The following AFF3 variants were observed in gnomAD, a reference collection of about 807,000 sequenced individuals.
AFF3 encodes the protein ALF transcription elongation factor 3.
Under a neutral mutation model 129.7 loss-of-function variants are expected in AFF3, and 32 were observed. That is an observed-to-expected ratio of 0.25 (90% CI 0.19 to 0.33). The LOEUF is 0.33. AFF3 is among the 10% of genes least tolerant of loss of function. The probability of loss-of-function intolerance (pLI) is 1.00; values close to 1 mark genes in which losing one functional copy is unlikely to be tolerated. For synonymous variants in AFF3, 644 were observed against 635.4 expected, an observed-to-expected ratio of 1.01 and a Z score of -0.20; for missense variants, 1,373 against 1,592.0, an observed-to-expected ratio of 0.86 and a Z score of 2.34.
intron 12 of AFF3, among the ~76,000 whole-genome samples, chr2:99,671,207 T>C (rs1687115503): frequency 1.3e-5 from 2 of 152,226 alleles, no homozygotes; most frequent in South Asian, 4.1e-4. Context: ...CACAAAGAGT[T>C]GAAATCATTT....
At chr2:99,754,811 C>T (rs571230305) in intron 8 of AFF3, among the ~76,000 whole-genome samples, 19 of 152,292 alleles carry the variant, frequency 1.2e-4, no homozygotes, top group African/African-American at 3.6e-4. Context: ...CATCCCTGAG[C>T]ACCCACTCAT....
chr2:99,946,188 T>C (rs1675541489), intron 7 of AFF3, among the ~76,000 whole-genome samples: 1 of 151,918 alleles, frequency 6.6e-6, no homozygotes, highest in African/African-American at 2.4e-5. Context: ...AAGATGGGGA[T>C]GGGACAGGGT....
At chr2:99,666,909 C>T (rs1686722303) in intron 12 of AFF3, among the ~76,000 whole-genome samples, 1 of 152,030 alleles carries the variant, frequency 6.6e-6, no homozygotes, top group African/African-American at 2.4e-5. Flanking sequence ...GTGAAAACAA[C>T]CCGATTGAAT....
At chr2:100,041,872 A>C (rs919459889) in intron 4 of AFF3, among the ~76,000 whole-genome samples, 3 of 152,208 alleles carry the variant, frequency 2.0e-5, no homozygotes, top group African/African-American at 7.2e-5. Flanking sequence ...ATGTAATTAC[A>C]TGCAGACTTT....
intron 7 of AFF3, among the ~76,000 whole-genome samples, chr2:99,877,707 A>C (rs1692406380): frequency 6.6e-6 from 1 of 152,282 alleles, no homozygotes; most frequent in South Asian, 2.1e-4. Context: ...TACTTTGTTT[A>C]GAAAAATATA....
intron 2 of AFF3, among the ~76,000 whole-genome samples, chr2:100,124,944 C>T (rs1692123769): frequency 6.6e-6 from 1 of 152,038 alleles, no homozygotes; most frequent in Admixed American, 6.6e-5. Context: ...GACCTTAAGA[C>T]ATATTAAAAA....
Position 100,129,254 on chromosome 2 carries a change from C to T in AFF3, c.-175G>A, listed in dbSNP as rs1185668028. On this transcript the variant is annotated 5_prime_UTR_variant, in exon 2 of 25. Transcript: ENST00000672756. ...TGCCAGTTACTCCGGATTGATGCTT[C>T]CCGATGTAAACAATGGCTGATCGTA... The T allele has an allele frequency of 6.6e-6, 1 of 152,110 alleles. No homozygotes were observed. The highest frequency in any genetic ancestry group is 1.5e-5 in the Non-Finnish European group (1 of 68,038). The allele number at this position is 152,110 out of a possible 1,614,324, so 9.4% of individuals were successfully genotyped here.
intron 2 of AFF3, among the ~76,000 whole-genome samples, chr2:100,110,721 T>C (rs1463826725): frequency 6.6e-6 from 1 of 152,168 alleles, no homozygotes; most frequent in African/African-American, 2.4e-5. Context: ...GTTCACCTCT[T>C]CAGGAGCTTA....
At chr2:99,931,221 C>T (rs1696651638) in intron 7 of AFF3, among the ~76,000 whole-genome samples, 1 of 152,188 alleles carries the variant, frequency 6.6e-6, no homozygotes, top group Non-Finnish European at 1.5e-5. Context: ...TGGGTCAGGA[C>T]TTAACAGTCA....
intron 7 of AFF3, among the ~76,000 whole-genome samples, chr2:99,874,651 A>G (rs1188679937): frequency 6.6e-6 from 1 of 152,214 alleles, no homozygotes; most frequent in Non-Finnish European, 1.5e-5. Flanking sequence ...ACTGAAATGT[A>G]TGATTCTGGA....
intron 4 of AFF3, among the ~76,000 whole-genome samples, chr2:100,029,679 G>A (rs905211551): frequency 1.3e-5 from 2 of 152,190 alleles, no homozygotes; most frequent in African/African-American, 4.8e-5. Flanking sequence ...AACAGCATTT[G>A]TTGTTTAATA....
intron 7 of AFF3, among the ~76,000 whole-genome samples, chr2:99,874,461 C>T (rs1558936163): frequency 6.6e-6 from 1 of 152,142 alleles, no homozygotes; most frequent in East Asian, 1.9e-4. Context: ...AGACTCTAAA[C>T]AAAGGTATCT....
intron 11 of AFF3, among the ~76,000 whole-genome samples, chr2:99,694,630 A>G (rs1676011638): frequency 6.7e-6 from 1 of 148,286 alleles, no homozygotes. Context: ...GTGAGTCGCT[A>G]TGTAGTTTTA....
chr2:100,006,539 G>GA (rs1406664863), intron 7 of AFF3, 93 bp downstream of exon 7: 37 of 1,451,542 alleles, frequency 2.5e-5, no homozygotes, highest in South Asian at 5.9e-5. Flanking sequence ...CCACATCACT[G>GA]AAAAAAAAGA....
rs1410346752 is a variant in AFF3, at chr2:100,034,132, C to T, written c.54-25200G>A. Among the ~76,000 whole-genome samples, 4 of 152,176 alleles carry T rather than the reference C, an allele frequency of 2.6e-5. No homozygotes were observed. The East Asian group carries it at 7.7e-4, about 29-fold the overall frequency. On this transcript the variant is annotated intron_variant, in intron 4 of 24. Transcript: ENST00000672756. ...TTAAAAACTGACATATTAGCATTGA[C>T]AAAAGGATTGCTCTATTTGTTTTCC...
At chr2:99,949,771 C>T (rs1205373481) in intron 7 of AFF3, among the ~76,000 whole-genome samples, 1 of 152,228 alleles carries the variant, frequency 6.6e-6, no homozygotes, top group Admixed American at 6.5e-5. Context: ...GCCAGCTACT[C>T]ACCTTCTGCT....
chr2:99,975,672 GGTGA>G (rs1170669812), intron 7 of AFF3, among the ~76,000 whole-genome samples: 7 of 151,462 alleles, frequency 4.6e-5, no homozygotes, highest in East Asian at 3.9e-4. Context: ...GCTGAGATGG[GGTGA>G]GTAACACATG....
At position 99,591,952 on chromosome 2, in the gene AFF3, G is replaced by A. The variant is rs371933912; in HGVS notation, c.2466+1243C>T. On this transcript the variant is annotated intron_variant, in intron 15 of 24. Transcript: ENST00000672756. ...ATTTAACATGTATAAAGTGCCTAGA[G>A]CAGCATCTGTCATGGGGACCTATAT... Among the ~76,000 whole-genome samples, 15 of 152,324 alleles carry A rather than the reference G, an allele frequency of 9.8e-5. No individual in the cohort carries two copies. The South Asian group carries it at 1.2e-3, about 13-fold the overall frequency.
chr2:99,728,076 G>A (rs1008367601), intron 10 of AFF3, among the ~76,000 whole-genome samples: 5 of 152,224 alleles, frequency 3.3e-5, no homozygotes, highest in South Asian at 2.1e-4. Context: ...CGAGTTGTAC[G>A]TAGTTGGGGG....
Sources: gnomAD v4.1 joint callset for allele counts (sites outside exome capture counted in the v4.1 genomes callset) on GRCh38, gnomAD v4.1.1 for gene constraint, MANE v1.5 for transcripts, NCBI Gene and HGNC (gene_info 2026-07-23, HGNC 2026-07-21) for gene names.